Variants in DMXL1 observed in about 807,000 individuals in gnomAD.
DMXL1 encodes the protein Dmx like 1.
A neutral mutation model predicts 319.2 loss-of-function variants in DMXL1; 99 were observed. The ratio of observed to expected loss-of-function variants is 0.31; its 90% CI spans 0.26 to 0.37. DMXL1 has a LOEUF of 0.37. DMXL1 is among the 10% of genes least tolerant of loss of function. DMXL1 has a pLI of 1.00. For synonymous variants in DMXL1, 1,385 were observed against 1,235.2 expected, an observed-to-expected ratio of 1.12 and a Z score of -2.54; for missense variants, 3,745 against 3,595.6, an observed-to-expected ratio of 1.04 and a Z score of -1.06.
intron 24 of DMXL1, 105 bp from the exon 25 acceptor site, chr5:119,171,673 A>C: frequency 1.2e-6 from 1 of 867,590 alleles, no homozygotes; most frequent in Non-Finnish European, 1.7e-6. Flanking sequence ...TTATGCTTTT[A>C]TTTTTTAATT....
At chr5:119,093,955 A>G (rs1350389814) in intron 1 of DMXL1, among the ~76,000 whole-genome samples, 1 of 152,226 alleles carries the variant, frequency 6.6e-6, no homozygotes, top group African/African-American at 2.4e-5. Flanking sequence ...GCAAAATTAA[A>G]GTTTGAAGCC....
chr5:119,123,196 G>A (rs1028386028), intron 9 of DMXL1, among the ~76,000 whole-genome samples: 1 of 151,896 alleles, frequency 6.6e-6, no homozygotes, highest in Non-Finnish European at 1.5e-5. Flanking sequence ...GCAGGCACTC[G>A]GCAGGCTGAG....
At chr5:119,161,321 G>C (rs6595176) in intron 19 of DMXL1, among the ~76,000 whole-genome samples, 74,436 of 152,114 alleles carry the variant, frequency 0.49, 19,080 homozygotes, top group East Asian at 0.94. Context: ...TGGGCACTGC[G>C]ATAGCCTCTA....
At chr5:119,141,896 A>T (rs1208745039) in intron 13 of DMXL1, among the ~76,000 whole-genome samples, 1 of 152,100 alleles carries the variant, frequency 6.6e-6, no homozygotes, top group East Asian at 1.9e-4. Context: ...AAAACAGCAT[A>T]GTAGTGGTAC....
chr5:119,106,888 G>A (rs577471448), intron 4 of DMXL1, among the ~76,000 whole-genome samples: 3 of 152,296 alleles, frequency 2.0e-5, no homozygotes, highest in Non-Finnish European at 2.9e-5. Context: ...TTAACAACTG[G>A]ATTTGAAATT....
chr5:119,112,294 A>G (rs1228510162), intron 5 of DMXL1, among the ~76,000 whole-genome samples: 1 of 152,198 alleles, frequency 6.6e-6, no homozygotes, highest in South Asian at 2.1e-4. Context: ...TTTTGGAAGT[A>G]TGATTCAACA....
chr5:119,204,180 C>T (rs548359030), intron 33 of DMXL1, among the ~76,000 whole-genome samples: 1 of 152,094 alleles, frequency 6.6e-6, no homozygotes, highest in Non-Finnish European at 1.5e-5. Flanking sequence ...CTCTGTCACA[C>T]AGGTTGGAGT....
chr5:119,122,101 C>T (rs1421125169), intron 9 of DMXL1, among the ~76,000 whole-genome samples: 6 of 143,648 alleles, frequency 4.2e-5, no homozygotes, highest in Admixed American at 6.8e-5. Context: ...ACCCCCCCAC[C>T]TCCCTCCCGG....
At chr5:119,202,791 C>T (rs977341043) in intron 32 of DMXL1, among the ~76,000 whole-genome samples, 2 of 149,646 alleles carry the variant, frequency 1.3e-5, no homozygotes, top group African/African-American at 4.9e-5. Context: ...GTGGAGGTTG[C>T]AGTGAGCCAA....
intron 38 of DMXL1, among the ~76,000 whole-genome samples, chr5:119,230,473 A>G (rs760509881): frequency 2.6e-5 from 4 of 152,246 alleles, no homozygotes; most frequent in Non-Finnish European, 5.9e-5. Flanking sequence ...AATATTACAT[A>G]TATTTAACAT....
At chr5:119,132,175 C>G (rs1417308584) in intron 10 of DMXL1, among the ~76,000 whole-genome samples, 1 of 151,848 alleles carries the variant, frequency 6.6e-6, no homozygotes, top group Admixed American at 6.6e-5. Context: ...CCAGATCTCA[C>G]TAAATAAGAA....
At chr5:119,170,073 A>G (rs1774244695) in intron 23 of DMXL1, 117 bp from the exon 24 acceptor site, 1 of 1,045,264 alleles carries the variant, frequency 9.6e-7, no homozygotes, top group Admixed American at 3.0e-5. Flanking sequence ...GCCTATTAGT[A>G]AAATTTTGTC....
intron 1 of DMXL1, among the ~76,000 whole-genome samples, chr5:119,079,321 C>T (rs1051641961): frequency 6.6e-6 from 1 of 152,186 alleles, no homozygotes; most frequent in Admixed American, 6.5e-5. Flanking sequence ...AAATAAATGT[C>T]CCCCAGAATT....
Position 119,206,732 on chromosome 5 carries a change from A to G in DMXL1, c.7864-102A>G. ...GTAACTCCATATAATGTTCTTTTCTAGTAAATTTGGTTTAAAATATAGCAT... is the reference window on the plus strand; with the variant it reads ...GTAACTCCATATAATGTTCTTTTCTGGTAAATTTGGTTTAAAATATAGCAT... On this transcript the variant is annotated intron_variant, in intron 33 of 43. Transcript: ENST00000539542. 6 of 644,154 alleles carry G rather than the reference A, an allele frequency of 9.3e-6. No individual in the cohort carries two copies. In the South Asian group the frequency reaches 1.3e-4, roughly 14 times the overall value. 39.9% of individuals were successfully genotyped at this position (644,154 alleles called of 1,614,324 possible).
At chr5:119,244,292 G>T (rs1169599014) in intron 42 of DMXL1, 67 bp from the exon 43 acceptor site, 3 of 1,309,482 alleles carry the variant, frequency 2.3e-6, no homozygotes, top group Non-Finnish European at 3.1e-6. Flanking sequence ...TTTCACTTTA[G>T]CCAAAAGCCA....
rs150807057 is a variant in DMXL1 at position 119,199,075 on chromosome 5, A to T, written c.7745+1119A>T. 5.9e-3 allele frequency among the ~76,000 whole-genome samples: 895 copies of T among 152,150 alleles called. 7 individuals are homozygous for T. Among genetic ancestry groups the T allele is most frequent in the Non-Finnish European group, 7.9e-3 (539 of 68,008 alleles). On this transcript the variant is annotated intron_variant, in intron 32 of 43. Transcript: ENST00000539542. ...CTAATTTTTTGTATTTTTTGTAGAG[A>T]CAGGGTTTCACCTTGTTACTCAGGC...
chr5:119,232,220 T>C (rs1180277391), intron 38 of DMXL1, among the ~76,000 whole-genome samples: 1 of 152,206 alleles, frequency 6.6e-6, no homozygotes, highest in Non-Finnish European at 1.5e-5. Context: ...TTTATTTTTC[T>C]GATTAAGCTA....
At chr5:119,172,054 T>G (rs1344562189) in intron 25 of DMXL1, 85 bp downstream of exon 25, 2 of 1,255,424 alleles carry the variant, frequency 1.6e-6, no homozygotes, top group Non-Finnish European at 1.1e-6. Flanking sequence ...TTTTAAGTAA[T>G]TTTAAACATC....
intron 33 of DMXL1, among the ~76,000 whole-genome samples, chr5:119,205,321 A>G (rs182677128): frequency 3.6e-4 from 55 of 152,306 alleles, no homozygotes; most frequent in African/African-American, 1.3e-3. Flanking sequence ...AAAGAAATAG[A>G]GTAGTATAGT....
Sources: gnomAD v4.1 joint callset for allele counts (sites outside exome capture counted in the v4.1 genomes callset) on GRCh38, gnomAD v4.1.1 for gene constraint, MANE v1.5 for transcripts, NCBI Gene and HGNC (gene_info 2026-07-23, HGNC 2026-07-21) for gene names.